The following FGD4 variants were observed in gnomAD, a reference collection of about 807,000 sequenced individuals.
FGD4 encodes FYVE, RhoGEF and PH domain-containing protein 4.
Under a neutral mutation model 102.0 loss-of-function variants are expected in FGD4, and 42 were observed. The ratio of observed to expected loss-of-function variants is 0.41; its 90% confidence interval spans 0.32 to 0.53. The LOEUF (loss-of-function observed/expected upper bound fraction) is 0.53. Among genes scored for constraint, FGD4 ranks in the 20% least tolerant of loss-of-function variants. The pLI, the probability that FGD4 is intolerant of heterozygous loss-of-function variation, is 0.21. For synonymous variants in FGD4, 380 were observed against 375.7 expected, an observed-to-expected ratio of 1.01 and a Z score of -0.13; for missense variants, 902 against 1,078.2, an observed-to-expected ratio of 0.84 and a Z score of 2.29.
chr12:32,497,239 C>A (rs1937877410), intron 1 of FGD4, among the ~76,000 whole-genome samples: 1 of 152,154 alleles, frequency 6.6e-6, no homozygotes, highest in Admixed American at 6.5e-5. Flanking sequence ...GATTCTTAAC[C>A]TTAACCCCTT....
chr12:32,612,207 C>T (rs1488383999), intron 10 of FGD4, among the ~76,000 whole-genome samples: 1 of 152,222 alleles, frequency 6.6e-6, no homozygotes, highest in East Asian at 1.9e-4. Context: ...AGTACGCTTG[C>T]TCCAGCCACA....
At position 32,619,993 on chromosome 12, in the gene FGD4, A is replaced by C. The variant is rs1336181778; in HGVS notation, c.1922+123A>C. 3 of 1,163,040 alleles carry C rather than the reference A, an allele frequency of 2.6e-6. No individual in the cohort carries two copies. The African/African-American group carries it at 4.6e-5, about 18-fold the overall frequency. 72.0% of individuals were successfully genotyped at this position (1,163,040 alleles called of 1,614,324 possible). A position where few individuals can be genotyped will look rare whatever the true frequency, so the allele number is the denominator to read the frequency against. The stretch of plus-strand genomic sequence containing the variant: ...TGCATATCTCTGGAACTCTGGTTGG[A>C]TGTAAATGCAGAGCTGTAGGTTCTT... On this transcript the variant is annotated intron_variant, in intron 11 of 16. Coordinates refer to ENST00000534526, the MANE Select transcript of FGD4 (RefSeq NM_001370298.3).
chr12:32,518,102 G>A (rs1447467053), intron 1 of FGD4, among the ~76,000 whole-genome samples: 2 of 152,222 alleles, frequency 1.3e-5, no homozygotes, highest in Non-Finnish European at 2.9e-5. Context: ...ATTGACGTGT[G>A]TAGACAACAT....
chr12:32,597,346 TAGG>T (rs1352355712), intron 4 of FGD4, among the ~76,000 whole-genome samples: 1 of 152,190 alleles, frequency 6.6e-6, no homozygotes, highest in Non-Finnish European at 1.5e-5. Context: ...GTATCATAAG[TAGG>T]ACTTGGTAGC....
At chr12:32,422,287 GCTTTTT>G (rs1448725812) in intron 1 of FGD4, among the ~76,000 whole-genome samples, 19 of 91,686 alleles carry the variant, frequency 2.1e-4, no homozygotes, top group African/African-American at 6.8e-4. Flanking sequence ...ATTGGGAGCT[GCTTTTT>G]TTTTTTTTTT....
chr12:32,633,738 C>T (rs769033950), intron 15 of FGD4, 49 bp downstream of exon 15: 115 of 1,504,818 alleles, frequency 7.6e-5, no homozygotes, highest in Non-Finnish European at 9.2e-5. Flanking sequence ...TTTTTCCCAA[C>T]GGACTCTCGC....
chr12:32,502,363 C>G, intron 1 of FGD4: 2 of 984,488 alleles, frequency 2.0e-6, no homozygotes, highest in Non-Finnish European at 2.4e-6. Context: ...TAATATGTAT[C>G]CAGTTTGTAG....
chr12:32,418,813 T>A (rs1941521928), intron 1 of FGD4, among the ~76,000 whole-genome samples: 1 of 152,154 alleles, frequency 6.6e-6, no homozygotes, highest in East Asian at 1.9e-4. Context: ...TGAGTTCCCC[T>A]AGGCCCCAGA....
intron 3 of FGD4, 64 bp from the exon 4 acceptor site, chr12:32,581,896 T>A (rs766704572): frequency 6.4e-7 from 1 of 1,573,166 alleles, no homozygotes; most frequent in East Asian, 2.2e-5. Context: ...GGAATAAACT[T>A]GTCTTAATTC....
At chr12:32,571,150 G>T (rs1177704502) in intron 2 of FGD4, among the ~76,000 whole-genome samples, 1 of 152,132 alleles carries the variant, frequency 6.6e-6, no homozygotes, top group African/African-American at 2.4e-5. Context: ...ATGAAATAGT[G>T]ATTTTCCTTA....
chr12:32,633,760 G>T (rs911211459), intron 15 of FGD4, 71 bp downstream of exon 15: 1 of 1,416,128 alleles, frequency 7.1e-7, no homozygotes. Context: ...CTGTCACCCA[G>T]GCTGAGGTGC....
intron 1 of FGD4, among the ~76,000 whole-genome samples, chr12:32,468,415 A>G (rs529239705): frequency 4.9e-4 from 74 of 152,294 alleles, no homozygotes; most frequent in African/African-American, 1.8e-3. Flanking sequence ...GTAGCAGCTT[A>G]TGATGTTGTT....
chr12:32,594,011 T>C (rs927101810), intron 4 of FGD4, among the ~76,000 whole-genome samples: 2 of 152,002 alleles, frequency 1.3e-5, no homozygotes, highest in African/African-American at 4.8e-5. Context: ...GGTAGGAGCA[T>C]AGAGGGGGTT....
At chr12:32,550,639 C>G (rs1459666354) in intron 1 of FGD4, among the ~76,000 whole-genome samples, 1 of 142,742 alleles carries the variant, frequency 7.0e-6, no homozygotes, top group Non-Finnish European at 1.5e-5. Context: ...CCACTGCACT[C>G]CAGCCTGGGC....
At chr12:32,432,050 CATTTTTTTTTT>C (rs1337494643) in intron 1 of FGD4, among the ~76,000 whole-genome samples, 3 of 117,584 alleles carry the variant, frequency 2.6e-5, no homozygotes, top group African/African-American at 3.4e-5. Flanking sequence ...GTAATCCTAG[CATTTTTTTTTT>C]TTTTTTTTTT....
chr12:32,432,603 CAAA>C (rs10715388), intron 1 of FGD4, among the ~76,000 whole-genome samples: 8 of 137,364 alleles, frequency 5.8e-5, no homozygotes, highest in Non-Finnish European at 8.0e-5. Flanking sequence ...GACTCCATCT[CAAA>C]AAAAAAAAAA....
chr12:32,629,958 C>A (rs1950402437), intron 14 of FGD4, among the ~76,000 whole-genome samples: 1 of 152,142 alleles, frequency 6.6e-6, no homozygotes, highest in Admixed American at 6.5e-5. Context: ...TCATTGTGAG[C>A]TCTTATTTGG....
At chr12:32,600,629 T>A in intron 5 of FGD4, 1 of 271,942 alleles carries the variant, frequency 3.7e-6, no homozygotes, top group Non-Finnish European at 6.5e-6. Context: ...CGTGTTACTA[T>A]GTGTAGGAAG....
chr12:32,445,246 AAAG>A (rs1942576956), intron 1 of FGD4, among the ~76,000 whole-genome samples: 2 of 152,250 alleles, frequency 1.3e-5, no homozygotes, highest in Non-Finnish European at 2.9e-5. Flanking sequence ...TCCTTACAAG[AAAG>A]AAATCCTTTG....
Sources: gnomAD v4.1 joint callset for allele counts (sites outside exome capture counted in the v4.1 genomes callset) on GRCh38, gnomAD v4.1.1 for gene constraint, MANE v1.5 for transcripts, NCBI Gene and HGNC (gene_info 2026-07-23, HGNC 2026-07-21) for gene names.